The following NFX1 variants were observed in gnomAD, a reference collection of about 807,000 sequenced individuals.
NFX1 encodes the protein transcriptional repressor NF-X1.
Under a neutral mutation model 137.2 loss-of-function variants are expected in NFX1, and 69 were observed. The ratio of observed to expected loss-of-function variants is 0.50; its 90% CI spans 0.41 to 0.61. The LOEUF (loss-of-function observed/expected upper bound fraction) is 0.61, where lower values mean the gene tolerates loss of function less well. Among genes scored for constraint, NFX1 ranks in the 20% least tolerant of loss-of-function variants. NFX1 has a pLI of 0.00. For missense variants in NFX1, 1,167 were observed against 1,391.0 expected, an observed-to-expected ratio of 0.84 and a Z score of 2.56; for synonymous variants, 495 against 474.1, an observed-to-expected ratio of 1.04 and a Z score of -0.57.
chr9:33,300,100 G>A (rs1259156994), intron 2 of NFX1, among the ~76,000 whole-genome samples: 1 of 124,496 alleles, frequency 8.0e-6, no homozygotes, highest in Admixed American at 9.2e-5. Context: ...TTGAGACGGA[G>A]TCTCACTCTG....
At chr9:33,324,716 A>G (rs1822513279) in intron 9 of NFX1, among the ~76,000 whole-genome samples, 1 of 151,964 alleles carries the variant, frequency 6.6e-6, no homozygotes, top group Non-Finnish European at 1.5e-5. Flanking sequence ...TCACGAGGTC[A>G]GGAGATCGAG....
intron 10 of NFX1, among the ~76,000 whole-genome samples, chr9:33,330,774 A>G (rs1261171963): frequency 1.3e-5 from 2 of 152,110 alleles, no homozygotes; most frequent in African/African-American, 4.8e-5. Flanking sequence ...TTGAAAAGCT[A>G]TGTGTAAGTT....
intron 19 of NFX1, among the ~76,000 whole-genome samples, chr9:33,362,313 C>G (rs1824021174): frequency 1.3e-5 from 2 of 152,106 alleles, no homozygotes; most frequent in Admixed American, 1.3e-4. Context: ...TACCTGTACT[C>G]TCATATTTGT....
chr9:33,351,505 A>G, intron 15 of NFX1, 55 bp from the exon 16 acceptor site: 1 of 1,537,466 alleles, frequency 6.5e-7, no homozygotes, highest in Non-Finnish European at 9.0e-7. Context: ...GAAAGTTAAA[A>G]CTCACCCCAA....
chr9:33,344,080 T>A lies in NFX1; in HGVS notation c.2236T>A (p.Leu746Ile), dbSNP rs1175410429. The change falls in exon 14 of 24, where the codon TTA (leucine) becomes ATA (isoleucine). Residue 746 changes from leucine to isoleucine, a missense_variant. By Grantham distance (5) the Leu-to-Ile change is conservative (BLOSUM62 2). Coordinates refer to ENST00000379540, the MANE Select transcript of NFX1 (RefSeq NM_002504.6). ...TGCTGCTCCACCAGGTTTTGATGAA[T>A]TAACCTGCCATTGTGGTGCATCAGT... is the stretch of plus-strand genomic sequence containing the variant. ...QTCWQASFDE[L>I]TCHCGASVIY... is the part of the protein sequence containing the mutation. 6.2e-7 allele frequency: 1 copy of A among 1,614,034 alleles called. No homozygotes were observed. Among genetic ancestry groups the A allele is most frequent in the Admixed American group, 1.7e-5 (1 of 60,016 alleles).
chr9:33,338,469 C>G (rs908442254), intron 11 of NFX1, 41 bp from the exon 12 acceptor site: 2 of 1,546,730 alleles, frequency 1.3e-6, no homozygotes, highest in African/African-American at 2.7e-5. Flanking sequence ...TGTTCATATC[C>G]TTTGTCTGGT....
intron 15 of NFX1, among the ~76,000 whole-genome samples, chr9:33,350,409 T>C (rs1420260372): frequency 1.3e-5 from 2 of 152,114 alleles, no homozygotes; most frequent in African/African-American, 4.8e-5. Context: ...TAAGAATTAG[T>C]CTATTGACTC....
At chr9:33,316,067 G>C (rs976065681) in intron 7 of NFX1, among the ~76,000 whole-genome samples, 1 of 152,130 alleles carries the variant, frequency 6.6e-6, no homozygotes, top group Non-Finnish European at 1.5e-5. Flanking sequence ...TTTCTGGTCT[G>C]TTCTCTGTGG....
At chr9:33,304,500 A>G (rs1467517473) in intron 4 of NFX1, among the ~76,000 whole-genome samples, 1 of 152,206 alleles carries the variant, frequency 6.6e-6, no homozygotes, top group African/African-American at 2.4e-5. Flanking sequence ...CAGCTTTCAC[A>G]AAGAGTCAAG....
chr9:33,307,889 C>T (rs1821815988), intron 5 of NFX1, among the ~76,000 whole-genome samples: 1 of 150,952 alleles, frequency 6.6e-6, no homozygotes. Flanking sequence ...CTGCAACCGC[C>T]GCCTCTTGTG....
chr9:33,356,741 T>C (rs1823822058), intron 19 of NFX1, among the ~76,000 whole-genome samples: 1 of 152,114 alleles, frequency 6.6e-6, no homozygotes, highest in African/African-American at 2.4e-5. Flanking sequence ...AGTACCAAGA[T>C]TGTCCTTTTC....
At chr9:33,357,583 A>G (rs934532178) in intron 19 of NFX1, among the ~76,000 whole-genome samples, 1 of 151,988 alleles carries the variant, frequency 6.6e-6, no homozygotes. Flanking sequence ...CCATGCTGGA[A>G]TGTAGTGGCA....
chr9:33,328,573 T>C lies in NFX1; in HGVS notation c.1907-8T>C, dbSNP rs1226543456. The C allele has an allele frequency of 1.3e-6, 2 of 1,597,368 alleles. No homozygotes were observed. The highest frequency in any genetic ancestry group is 2.7e-5 in the African/African-American group (2 of 74,508). On this transcript the variant is annotated splice_region_variant and splice_polypyrimidine_tract_variant and intron_variant, in intron 9 of 23. Transcript: ENST00000379540. ...TTTCATTTCCAGCTCTTTTCGTTTT[T>C]ATTAAAGATTTCATTCATACCTGTG...
At chr9:33,337,878 G>C (rs1461267023) in intron 11 of NFX1, among the ~76,000 whole-genome samples, 1 of 152,004 alleles carries the variant, frequency 6.6e-6, no homozygotes, top group Non-Finnish European at 1.5e-5. Context: ...GCGAAACCCT[G>C]TCTCTACTAA....
At chr9:33,365,146 C>A in intron 21 of NFX1, 1 of 242,214 alleles carries the variant, frequency 4.1e-6, no homozygotes, top group Non-Finnish European at 7.0e-6. Context: ...TGGTGGCGGG[C>A]ACCTGTTATT....
rs769384788 is a variant in NFX1, at chr9:33,295,266, C to A, written c.872C>A (p.Ala291Glu). ...AAGGATGACCTCAATGAAAGACCAG[C>A]AAAATCTACCTGTGACAGTGAGAAC... ...IPKDDLNERP[A>E]KSTCDSENLA... Residue 291 changes from alanine to glutamate, a missense_variant, in exon 2 of 24, where the codon GCA becomes GAA. This residue lies in a region of NFX1 where 367 missense variants were observed against 386.7 expected (regional missense o/e 0.95). Coordinates refer to ENST00000379540, the MANE Select transcript of NFX1 (RefSeq NM_002504.6). 2 of 1,614,082 alleles carry A rather than the reference C, an allele frequency of 1.2e-6. No homozygotes were observed. Among genetic ancestry groups the A allele is most frequent in the East Asian group, 4.5e-5 (2 of 44,878 alleles).
chr9:33,296,922 A>T (rs1430442216), intron 2 of NFX1, among the ~76,000 whole-genome samples: 1 of 152,220 alleles, frequency 6.6e-6, no homozygotes, highest in East Asian at 1.9e-4. Flanking sequence ...TTAAAAACAG[A>T]CACTGTATAT....
At chr9:33,361,614 G>A (rs1279767896) in intron 19 of NFX1, among the ~76,000 whole-genome samples, 1 of 151,238 alleles carries the variant, frequency 6.6e-6, no homozygotes, top group Non-Finnish European at 1.5e-5. Flanking sequence ...CTCTACTAAA[G>A]ATACAAAAAT....
chr9:33,323,042 A>G (rs1417701810), intron 9 of NFX1, among the ~76,000 whole-genome samples: 2 of 152,198 alleles, frequency 1.3e-5, no homozygotes, highest in East Asian at 1.9e-4. Flanking sequence ...TAGAACTGCA[A>G]TTAATGGATC....
Sources: allele counts gnomAD v4.1 joint callset (sites outside exome capture counted in the v4.1 genomes callset), GRCh38; gene constraint gnomAD v4.1.1; regional missense constraint gnomAD v4.1.1; transcripts MANE v1.5; gene names NCBI Gene and HGNC (gene_info 2026-07-23, HGNC 2026-07-21).